Variants in ALG13 observed in about 807,000 individuals in gnomAD.
ALG13 encodes the protein UDP-N-acetylglucosamine transferase subunit ALG13.
Under a neutral mutation model 87.8 loss-of-function variants are expected in ALG13, and 11 were observed. The ratio of observed to expected loss-of-function variants is 0.13; its 90% CI spans 0.08 to 0.21. The LOEUF (loss-of-function observed/expected upper bound fraction) is 0.21. Ranked by LOEUF, ALG13 falls within the 10% of genes least tolerant of loss-of-function variation. The pLI is 1.00. For synonymous variants in ALG13, 320 were observed against 306.3 expected (o/e 1.04, Z -0.47); for missense variants, 756 against 866.1 (o/e 0.87, Z 1.60).
intron 10 of ALG13, among the ~76,000 whole-genome samples, 166 bp from the exon 11 acceptor site, chrX:111,719,929 A>T (rs1030594422): frequency 6.2e-5 from 7 of 112,691 alleles, no homozygotes; most frequent in African/African-American, 2.3e-4. Context: ...ATTGTAGCAC[A>T]TACTTATAAA....
chrX:111,712,145 T>TA (rs1939878275), intron 6 of ALG13, among the ~76,000 whole-genome samples: 1 of 112,184 alleles, frequency 8.9e-6, no homozygotes, highest in Non-Finnish European at 1.9e-5. Context: ...TTTTATGTGA[T>TA]AAAGTTAATT....
chrX:111,733,910 G>A (rs986960443), intron 21 of ALG13, among the ~76,000 whole-genome samples: 11 of 112,030 alleles, frequency 9.8e-5, no homozygotes, highest in African/African-American at 3.6e-4. Flanking sequence ...AATTAATGAC[G>A]TTGAGCATTT....
At chrX:111,712,326 A>G (rs1939909379) in intron 6 of ALG13, among the ~76,000 whole-genome samples, 158 bp from the exon 7 acceptor site, 1 of 111,778 alleles carries the variant, frequency 8.9e-6, no homozygotes, top group African/African-American at 3.2e-5. Flanking sequence ...GTTAATAAGT[A>G]GCTATCACAG....
chrX:111,719,276 C>T (rs1408732785), intron 10 of ALG13, among the ~76,000 whole-genome samples: 2 of 110,714 alleles, frequency 1.8e-5, no homozygotes, highest in South Asian at 3.8e-4. Context: ...CCATCCGCCT[C>T]GGCCTCCCAA....
intron 20 of ALG13, 30 bp from the exon 21 acceptor site, chrX:111,730,495 C>T (rs1221004999): frequency 8.4e-7 from 1 of 1,194,132 alleles, no homozygotes. Flanking sequence ...TAAAATAATG[C>T]TCATTTTTTA....
At chrX:111,716,292 C>T (rs756109016) in intron 8 of ALG13, among the ~76,000 whole-genome samples, 8 of 112,179 alleles carry the variant, frequency 7.1e-5, no homozygotes, top group African/African-American at 2.6e-4. Flanking sequence ...GTATGAATTA[C>T]TTTCATGTTG....
intron 3 of ALG13, among the ~76,000 whole-genome samples, chrX:111,698,851 A>G (rs928870277): frequency 1.8e-5 from 2 of 111,245 alleles, no homozygotes; most frequent in Non-Finnish European, 3.8e-5. Flanking sequence ...TGACATACTG[A>G]TTTTATTTCC....
intron 14 of ALG13, 100 bp downstream of exon 14, chrX:111,723,998 A>G (rs1941692673): frequency 3.8e-6 from 2 of 520,667 alleles, no homozygotes; most frequent in Non-Finnish European, 6.2e-6. Flanking sequence ...TAAGAGAACC[A>G]GAATTGTATC....
chrX:111,713,890 C>T lies in ALG13; in HGVS notation c.1005+593C>T, dbSNP rs775708876. The stretch of plus-strand genomic sequence containing the variant: ...AATACTCAGCAGATAAATTGTTTGT[C>T]AGCATACAGCTTCTCCAAAAAGTTT... On this transcript the variant is annotated intron_variant, in intron 8 of 26. Coordinates refer to ENST00000394780, the MANE Select transcript of ALG13 (RefSeq NM_001099922.3). Among the ~76,000 whole-genome samples the T allele has an allele frequency of 8.0e-5, 9 of 112,244 alleles. No homozygotes were observed. In the South Asian group the frequency reaches 2.9e-3, roughly 37 times the overall value.
chrX:111,730,418 T>C lies in ALG13; in HGVS notation c.2392T>C (p.Tyr798His), dbSNP rs1195010293. 1.8e-5 allele frequency: 22 copies of C among 1,208,115 alleles called. No individual in the cohort carries two copies. Among genetic ancestry groups the C allele is most frequent in the Non-Finnish European group, 1.1e-6 (1 of 893,506 alleles). The change falls in exon 20 of 27, where the codon TAT (tyrosine) becomes CAT (histidine). Residue 798 changes from tyrosine (Y) to histidine (H), a missense_variant. Tyr to His is a moderately conservative substitution (Grantham distance 83, BLOSUM62 2). This residue lies in a region of ALG13 where 362 missense variants were observed against 383.5 expected (regional missense o/e 0.94). Coordinates refer to ENST00000394780, the MANE Select transcript of ALG13 (RefSeq NM_001099922.3). ...AGGGCGATATCATGAAGAATATCTT[T>C]ATCGTGCAGGTCAGTAAGATCTAGA... ...ENGRYHEEYL[Y>H]RAEPDYETSG...
At position 111,691,814 on chromosome X, in the gene ALG13, A is replaced by G. The variant is rs977516586; in HGVS notation, c.383+6711A>G. Among the ~76,000 whole-genome samples, 4 of 112,865 alleles carry G rather than the reference A, an allele frequency of 3.5e-5. No homozygotes were observed. The East Asian group carries it at 8.4e-4, about 24-fold the overall frequency. The stretch of plus-strand genomic sequence containing the variant: ...TAAAAAACCACAGTGATGGCTACTC[A>G]TAGAATCCATGTGTAGAATCCATGT... On this transcript the variant is annotated intron_variant, in intron 3 of 26. Transcript: ENST00000394780.
chrX:111,685,493 A>G (rs1415174922), intron 3 of ALG13, among the ~76,000 whole-genome samples: 4 of 112,237 alleles, frequency 3.6e-5, no homozygotes, highest in African/African-American at 9.7e-5. Flanking sequence ...ATCCACTAAA[A>G]TCCCTAAATT....
intron 19 of ALG13, among the ~76,000 whole-genome samples, chrX:111,728,523 T>A (rs1442811235): frequency 8.9e-6 from 1 of 111,842 alleles, no homozygotes; most frequent in East Asian, 2.8e-4. Flanking sequence ...TACATTGTTA[T>A]AACTTGTTTT....
At chrX:111,740,365 G>GT (rs1943637857) in intron 23 of ALG13, among the ~76,000 whole-genome samples, 2 of 110,756 alleles carry the variant, frequency 1.8e-5, no homozygotes, top group South Asian at 7.7e-4. Flanking sequence ...TGTTATAGAG[G>GT]TTAATTAAAA....
At chrX:111,753,015 T>C in intron 25 of ALG13, 185 bp downstream of exon 25, 2 of 378,302 alleles carry the variant, frequency 5.3e-6, no homozygotes, top group Non-Finnish European at 4.6e-6. Flanking sequence ...TGCTTTAGTT[T>C]CTCTTATAAA....
chrX:111,752,958 A>T, intron 25 of ALG13, 128 bp downstream of exon 25: 1 of 452,816 alleles, frequency 2.2e-6, no homozygotes, highest in Non-Finnish European at 3.7e-6. Context: ...TCTGTCTAAG[A>T]GATCTCTGAA....
At chrX:111,695,596 CTT>C (rs1250571643) in intron 3 of ALG13, among the ~76,000 whole-genome samples, 1 of 110,173 alleles carries the variant, frequency 9.1e-6, no homozygotes, top group Non-Finnish European at 1.9e-5. Context: ...TAATATTTTC[CTT>C]TAAAAAAAAA....
At chrX:111,681,483 C>G in intron 1 of ALG13, 184 bp downstream of exon 1, 1 of 1,059,513 alleles carries the variant, frequency 9.4e-7, no homozygotes, top group East Asian at 3.4e-5. Flanking sequence ...CTCCGGCTAC[C>G]CGGCCACTCG....
At chrX:111,749,416 C>G (rs935205669) in intron 24 of ALG13, among the ~76,000 whole-genome samples, 4 of 109,273 alleles carry the variant, frequency 3.7e-5, no homozygotes, top group African/African-American at 1.3e-4. Context: ...TTTTTTAATC[C>G]TTACATCAGT....
Sources: gnomAD v4.1 joint callset for allele counts (sites outside exome capture counted in the v4.1 genomes callset) on GRCh38, gnomAD v4.1.1 for gene constraint, gnomAD v4.1.1 regional missense constraint, MANE v1.5 for transcripts, NCBI Gene and HGNC (gene_info 2026-07-23, HGNC 2026-07-21) for gene names.